Variants in KIF17 observed in about 807,000 individuals in gnomAD.
The protein encoded by KIF17 is kinesin-like protein KIF17.
In KIF17, 80 loss-of-function variants were observed where a neutral mutation model predicts 96.8. That is an observed-to-expected ratio of 0.83 (90% CI 0.69 to 1.00). KIF17 has a LOEUF of 1.00. KIF17 is among the 50% of genes least tolerant of loss of function. KIF17 has a pLI of 0.00. For synonymous variants in KIF17, 567 were observed against 587.5 expected, an observed-to-expected ratio of 0.97 and a Z score of 0.51; for missense variants, 1,280 against 1,372.9, an observed-to-expected ratio of 0.93 and a Z score of 1.07.
chr1:20,673,141 G>A (rs1427270494), intron 11 of KIF17: 1 of 152,094 alleles, frequency 6.6e-6, no homozygotes, highest in Non-Finnish European at 1.5e-5. Context: ...GTAGAATTAC[G>A]TGAACCCGGG....
At position 20,716,265 on chromosome 1, in the gene KIF17, A is replaced by C. The variant is rs573736531; in HGVS notation, c.232-626T>G. On this transcript the variant is annotated intron_variant, in intron 1 of 14. Transcript: ENST00000400463. ...TCAAAAAAAAAAAAAAAAAAAATCA[A>C]TATCTTAAAGGGTAAGAGCAGCACC... Among the ~76,000 whole-genome samples the C allele has an allele frequency of 8.1e-5, 12 of 148,888 alleles. No homozygotes were observed. In the East Asian group the frequency reaches 2.3e-3, roughly 29 times the overall value.
intron 3 of KIF17, among the ~76,000 whole-genome samples, chr1:20,710,752 T>C (rs2054421480): frequency 6.6e-6 from 1 of 152,114 alleles, no homozygotes; most frequent in Non-Finnish European, 1.5e-5. Context: ...GAGGCACAGC[T>C]GGTCCTATCT....
intron 4 of KIF17, among the ~76,000 whole-genome samples, chr1:20,707,175 T>G (rs1346914117): frequency 1.3e-5 from 2 of 152,186 alleles, no homozygotes; most frequent in East Asian, 3.8e-4. Flanking sequence ...TTAACCACGT[T>G]TGTTATCTTT....
At position 20,717,888 on chromosome 1, in the gene KIF17, G is replaced by A. The variant is rs566828870; in HGVS notation, c.-182C>T. On this transcript the variant is annotated 5_prime_UTR_variant, in exon 1 of 15. Transcript: ENST00000400463. ...GCGCCCCGGAGGGGAGCTGGGCGTC[G>A]CAGGACCCGAGCCGGGGCCGCCGCT... The A allele has an allele frequency of 7.3e-3, 2,397 of 328,952 alleles. 61 individuals are homozygous for A. Among genetic ancestry groups the A allele is most frequent in the African/African-American group, 0.048 (2,154 of 45,070 alleles). The allele number at this position is 328,952 out of a possible 1,614,324, so 20.4% of individuals were successfully genotyped here.
intron 5 of KIF17, among the ~76,000 whole-genome samples, chr1:20,703,265 G>A (rs2054274678): frequency 6.6e-6 from 1 of 152,114 alleles, no homozygotes; most frequent in Admixed American, 6.6e-5. Flanking sequence ...TGGATGAAAG[G>A]AAGATCGATG....
chr1:20,680,720 C>G (rs2053814976), intron 11 of KIF17, among the ~76,000 whole-genome samples: 2 of 151,856 alleles, frequency 1.3e-5, no homozygotes, highest in Admixed American at 1.3e-4. Flanking sequence ...AATAGGACAT[C>G]AATGAAAAGA....
At chr1:20,662,784 C>CCA (rs2053459004), downstream of KIF17, among the ~76,000 whole-genome samples, 2 of 152,222 alleles carry the variant, frequency 1.3e-5, no homozygotes, top group Non-Finnish European at 2.9e-5. Flanking sequence ...ACCCTGAGTT[C>CCA]CACACCTCCT....
In KIF17 at chr1:20,713,562, G is replaced by C. The variant is rs1397453966; in HGVS notation, c.379-7C>G. The stretch of plus-strand genomic sequence containing the variant: ...ACTTAGTGTTCTCTGCACACTGCAG[G>C]GAGTACACAGAAAGAACCTAGACCT... On this transcript the variant is annotated splice_region_variant and splice_polypyrimidine_tract_variant and intron_variant, in intron 2 of 14. Transcript: ENST00000400463. 4 of 1,597,756 alleles carry C rather than the reference G, an allele frequency of 2.5e-6. No homozygotes were observed. The Admixed American group carries it at 5.0e-5, about 20-fold the overall frequency.
intron 3 of KIF17, among the ~76,000 whole-genome samples, chr1:20,711,615 G>T (rs974454574): frequency 6.6e-6 from 1 of 152,158 alleles, no homozygotes; most frequent in African/African-American, 2.4e-5. Flanking sequence ...CGCTGGAGAG[G>T]CCCCCTCAGG....
rs56750936 is a variant in KIF17, at chr1:20,704,463, G to T, written c.1107C>A (p.Ser369Arg). ...KLKAILTQQMSPSSLSALLSR... is the reference protein window; with the variant it reads ...KLKAILTQQMRPSSLSALLSR... ...TGGTCCCACCTGACAGGCTGCTGGG[G>T]CTCATCTGCTGTGTCAGGATGGCCT... is the stretch of plus-strand genomic sequence containing the variant. Residue 369 changes from serine (S) to arginine (R), a missense_variant, in exon 5 of 15, where the codon AGC (serine) becomes AGA (arginine). Physicochemically the swap from Ser to Arg is moderately radical, Grantham distance 110. Transcript: ENST00000400463. This position sits in a 1 kb window ranked among gnomAD's most constrained non-coding sequence, Gnocchi z 6.8. The T allele has an allele frequency of 5.0e-3, 8,033 of 1,613,992 alleles. 290 individuals are homozygous for T. The African/African-American group carries it at 0.084, about 17-fold the overall frequency.
chr1:20,694,103 CT>C (rs532701962), intron 6 of KIF17: 4,121 of 145,298 alleles, frequency 0.028, 77 homozygotes, highest in Non-Finnish European at 0.043. Flanking sequence ...CCATCCTGTC[CT>C]TTTTTTTTTT....
intron 11 of KIF17, among the ~76,000 whole-genome samples, chr1:20,677,053 A>T (rs1426592374): frequency 1.3e-5 from 2 of 150,624 alleles, no homozygotes; most frequent in Non-Finnish European, 3.0e-5. Flanking sequence ...GCTACAAAAA[A>T]TACAAAAATT....
chr1:20,663,420 A>G (rs75771986), downstream of KIF17, among the ~76,000 whole-genome samples: 1,382 of 152,186 alleles, frequency 9.1e-3, 20 homozygotes, highest in African/African-American at 0.032. Context: ...AATAGGGAGG[A>G]GGAGGACTAA....
At chr1:20,702,374 A>G (rs531777207) in intron 5 of KIF17, among the ~76,000 whole-genome samples, 1 of 152,288 alleles carries the variant, frequency 6.6e-6, no homozygotes, top group East Asian at 1.9e-4. Flanking sequence ...CACTGGAAGG[A>G]CTGCACAGGT....
chr1:20,688,641 AT>A, intron 7 of KIF17, among the ~76,000 whole-genome samples: 1 of 152,332 alleles, frequency 6.6e-6, no homozygotes, highest in East Asian at 1.9e-4. Flanking sequence ...AGCTCAGCAG[AT>A]TTCATGCCCG....
At chr1:20,696,634 G>C (rs1263199000) in intron 6 of KIF17, among the ~76,000 whole-genome samples, 10 of 152,174 alleles carry the variant, frequency 6.6e-5, no homozygotes, top group South Asian at 4.1e-4. Flanking sequence ...CTGGACAGCG[G>C]GGGCCGCCGG....
At position 20,673,720 on chromosome 1, in the gene KIF17, G is replaced by A. The variant is rs1357861005; in HGVS notation, c.2464-1524C>T. ...CATTTTTTGTATTTTTAGCAGAGAC[G>A]GGGTTTCACCATGTTGGCCAGGCTG... On this transcript the variant is annotated intron_variant, in intron 11 of 14. Transcript: ENST00000400463. Among the ~76,000 whole-genome samples, 6 of 151,724 alleles carry A rather than the reference G, an allele frequency of 4.0e-5. No individual in the cohort carries two copies. The South Asian group carries it at 6.2e-4, about 16-fold the overall frequency.
intron 4 of KIF17, among the ~76,000 whole-genome samples, chr1:20,706,292 G>A (rs968679112): frequency 3.3e-5 from 5 of 151,148 alleles, no homozygotes; most frequent in South Asian, 2.1e-4. Context: ...GGTTCTTTAG[G>A]CTATTAAAAA....
intron 11 of KIF17, among the ~76,000 whole-genome samples, chr1:20,674,909 G>A (rs965429512): frequency 1.3e-5 from 2 of 152,092 alleles, no homozygotes; most frequent in Non-Finnish European, 2.9e-5. Context: ...CAGCACTTTG[G>A]GAGGCCGAGG....
Sources: allele counts gnomAD v4.1 joint callset (sites outside exome capture counted in the v4.1 genomes callset), GRCh38; gene constraint gnomAD v4.1.1; non-coding constraint Gnocchi (gnomAD v3.1); transcripts MANE v1.5; gene names NCBI Gene and HGNC (gene_info 2026-07-23, HGNC 2026-07-21).